Variants in AFG1L observed in about 807,000 individuals in gnomAD.
The protein encoded by AFG1L is AFG1 like ATPase, also known as AFG1-like ATPase.
A neutral mutation model predicts 62.2 loss-of-function variants in AFG1L; 53 were observed. That is an observed-to-expected ratio of 0.85 (90% confidence interval 0.68 to 1.07). The LOEUF is 1.07. Among genes scored for constraint, AFG1L ranks in the 50% least tolerant of loss-of-function variants. The pLI is 0.00. For synonymous variants in AFG1L, 228 were observed against 210.3 expected, an observed-to-expected ratio of 1.08 and a Z score of -0.73; for missense variants, 555 against 590.5, an observed-to-expected ratio of 0.94 and a Z score of 0.62.
In AFG1L at chr6:108,368,028, T is replaced by C. The variant is rs1218733977; in HGVS notation, c.748+1696T>C. Among the ~76,000 whole-genome samples the C allele has an allele frequency of 2.0e-5, 3 of 152,202 alleles. No individual in the cohort carries two copies. In the South Asian group the frequency reaches 6.2e-4, roughly 32 times the overall value. On this transcript the variant is annotated intron_variant, in intron 6 of 12. Coordinates refer to ENST00000368977, the MANE Select transcript of AFG1L (RefSeq NM_145315.5). ...GCTAACAGACCCAGATCTTACTATG[T>C]AGCCTGCTGTGAAACTAGGTCTCTC...
intron 3 of AFG1L, among the ~76,000 whole-genome samples, chr6:108,352,993 A>C (rs941471444): frequency 7.9e-5 from 12 of 152,128 alleles, no homozygotes; most frequent in African/African-American, 2.9e-4. Flanking sequence ...TTATCCATTC[A>C]TCCATTAATG....
In AFG1L at chr6:108,318,288, G is replaced by A. The variant is rs1195778597; in HGVS notation, c.140-5537G>A. 1.6e-5 allele frequency: 5 copies of A among 312,066 alleles called. 1 individual carries two copies. The highest frequency in any genetic ancestry group is 1.3e-4 in the Admixed American group (3 of 22,604). The allele number at this position is 312,066 out of a possible 1,614,324, so 19.3% of individuals were successfully genotyped here. On this transcript the variant is annotated intron_variant, in intron 1 of 12. Transcript: ENST00000368977. ...AAAAGGCTAAAACACAAAGAAGACTGTGCTGAGCTTGAATGCGTTGAGCCC... is the reference window on the plus strand; with the variant it reads ...AAAAGGCTAAAACACAAAGAAGACTATGCTGAGCTTGAATGCGTTGAGCCC...
intron 1 of AFG1L, among the ~76,000 whole-genome samples, chr6:108,308,288 G>A (rs986600239): frequency 9.2e-5 from 14 of 151,512 alleles, no homozygotes; most frequent in Admixed American, 9.2e-4. Context: ...TAGCTGGGAC[G>A]ACAGGCATGC....
At chr6:108,403,374 A>T (rs561134193) in intron 7 of AFG1L, among the ~76,000 whole-genome samples, 2 of 152,276 alleles carry the variant, frequency 1.3e-5, no homozygotes, top group Admixed American at 1.3e-4. Context: ...AATCTTTTTG[A>T]CGTGTACTTT....
At chr6:108,517,479 T>G (rs1210147114) in intron 11 of AFG1L, among the ~76,000 whole-genome samples, 1 of 152,338 alleles carries the variant, frequency 6.6e-6, no homozygotes, top group African/African-American at 2.4e-5. Flanking sequence ...TATCCTTTCC[T>G]TACACCTTAT....
At chr6:108,393,314 C>T (rs1053629525) in intron 6 of AFG1L, among the ~76,000 whole-genome samples, 13 of 151,874 alleles carry the variant, frequency 8.6e-5, no homozygotes, top group Non-Finnish European at 1.2e-4. Context: ...ATAATTAGCA[C>T]GATATTTGAA....
intron 2 of AFG1L, among the ~76,000 whole-genome samples, chr6:108,343,201 C>T (rs1778744373): frequency 6.6e-6 from 1 of 151,862 alleles, no homozygotes; most frequent in Non-Finnish European, 1.5e-5. Flanking sequence ...AGTAGCCTGC[C>T]ACCATGCCTG....
In AFG1L at chr6:108,343,234, G is replaced by A. The variant is rs577181618; in HGVS notation, c.364-3754G>A. Among the ~76,000 whole-genome samples, 193 of 152,140 alleles carry A rather than the reference G, an allele frequency of 1.3e-3. 1 individual carries two copies. Among genetic ancestry groups the A allele is most frequent in the Middle Eastern group, 3.4e-3 (1 of 294 alleles). On this transcript the variant is annotated intron_variant, in intron 2 of 12. Transcript: ENST00000368977. Reference sequence around the variant, plus strand: ...CTGGCAAATTTTTGTATTTTTGGTAGAGACGGGGTTTCACCATGTTGGCCA... The same window carrying A: ...CTGGCAAATTTTTGTATTTTTGGTAAAGACGGGGTTTCACCATGTTGGCCA...
intron 8 of AFG1L, among the ~76,000 whole-genome samples, chr6:108,475,404 T>C (rs1386505180): frequency 6.6e-6 from 1 of 152,208 alleles, no homozygotes; most frequent in African/African-American, 2.4e-5. Flanking sequence ...AGCTCTTTTT[T>C]TTCTTTTTTT....
intron 8 of AFG1L, among the ~76,000 whole-genome samples, chr6:108,449,133 G>A (rs1771939834): frequency 6.7e-6 from 1 of 148,370 alleles, no homozygotes; most frequent in Non-Finnish European, 1.5e-5. Context: ...GGGCGACAGA[G>A]CAAGACCCTG....
intron 1 of AFG1L, among the ~76,000 whole-genome samples, chr6:108,315,617 G>T (rs1320298771): frequency 1.3e-5 from 2 of 151,690 alleles, no homozygotes; most frequent in Admixed American, 1.3e-4. Flanking sequence ...GGCTTCCTTT[G>T]TTGCCCAGGC....
intron 11 of AFG1L, among the ~76,000 whole-genome samples, chr6:108,511,723 A>C (rs1774658823): frequency 6.6e-6 from 1 of 152,200 alleles, no homozygotes; most frequent in East Asian, 1.9e-4. Flanking sequence ...GTGATTCTAA[A>C]TTGAAGGGGC....
intron 10 of AFG1L, among the ~76,000 whole-genome samples, chr6:108,480,173 C>T (rs1016423562): frequency 7.2e-5 from 11 of 151,734 alleles, no homozygotes; most frequent in African/African-American, 2.2e-4. Flanking sequence ...TCTCTTTCTT[C>T]GTAAATTTGT....
chr6:108,508,981 A>T (rs1003475503), intron 10 of AFG1L, among the ~76,000 whole-genome samples: 5 of 152,054 alleles, frequency 3.3e-5, no homozygotes. Flanking sequence ...TTCCAGAGGG[A>T]CTTCAGAGCA....
chr6:108,380,836 C>T (rs905187836), intron 6 of AFG1L, among the ~76,000 whole-genome samples: 2 of 152,144 alleles, frequency 1.3e-5, no homozygotes, highest in African/African-American at 4.8e-5. Flanking sequence ...GCTTGGATCC[C>T]CAGTGGAAAG....
chr6:108,311,641 T>A (rs57685509), intron 1 of AFG1L, among the ~76,000 whole-genome samples: 2 of 150,508 alleles, frequency 1.3e-5, no homozygotes, highest in Non-Finnish European at 3.0e-5. Flanking sequence ...GGATTACAGA[T>A]GCACTCCACC....
chr6:108,328,383 G>T (rs978200017), intron 2 of AFG1L, among the ~76,000 whole-genome samples: 6 of 151,828 alleles, frequency 4.0e-5, no homozygotes, highest in African/African-American at 1.5e-4. Context: ...CTTCCTTTTG[G>T]AAATATATTC....
chr6:108,452,340 T>C (rs1475029791), intron 8 of AFG1L, among the ~76,000 whole-genome samples: 1 of 152,218 alleles, frequency 6.6e-6, no homozygotes, highest in Non-Finnish European at 1.5e-5. Flanking sequence ...ATCCCTATTG[T>C]GAAGCGTTAC....
intron 3 of AFG1L, among the ~76,000 whole-genome samples, chr6:108,351,189 C>T (rs1326449469): frequency 6.6e-6 from 1 of 152,132 alleles, no homozygotes; most frequent in Non-Finnish European, 1.5e-5. Flanking sequence ...CTGTATACTA[C>T]TTTATACAAG....
Sources: gnomAD v4.1 joint callset for allele counts (sites outside exome capture counted in the v4.1 genomes callset) on GRCh38, gnomAD v4.1.1 for gene constraint, MANE v1.5 for transcripts, NCBI Gene and HGNC (gene_info 2026-07-23, HGNC 2026-07-21) for gene names.